RAPGEF4: variants seen among roughly 807,000 people sequenced by gnomAD.
RAPGEF4 encodes the protein Rap guanine nucleotide exchange factor 4.
Under a neutral mutation model 147.9 loss-of-function variants are expected in RAPGEF4, and 66 were observed. The observed-to-expected ratio is 0.45, with a 90% CI of 0.37 to 0.55. RAPGEF4 has a LOEUF of 0.55. Ranked by LOEUF, RAPGEF4 falls within the 20% of genes least tolerant of loss-of-function variation. RAPGEF4 has a pLI of 0.00. For synonymous variants in RAPGEF4, 419 were observed against 442.7 expected (o/e 0.95, Z 0.67); for missense variants, 1,071 against 1,257.3 (o/e 0.85, Z 2.24).
intron 6 of RAPGEF4, among the ~76,000 whole-genome samples, chr2:172,934,930 A>C (rs989795414): frequency 1.3e-5 from 2 of 152,144 alleles, no homozygotes; most frequent in Admixed American, 1.3e-4. Context: ...CAATCCCAGC[A>C]CTTTGGGAGG....
At chr2:172,803,231 C>A (rs1280459066) in intron 3 of RAPGEF4, among the ~76,000 whole-genome samples, 1 of 152,204 alleles carries the variant, frequency 6.6e-6, no homozygotes, top group African/African-American at 2.4e-5. Context: ...CCCTAGCAGA[C>A]GTTCTCCATG....
At chr2:172,998,478 C>T (rs1409801031) in intron 16 of RAPGEF4, among the ~76,000 whole-genome samples, 3 of 152,094 alleles carry the variant, frequency 2.0e-5, no homozygotes, top group Non-Finnish European at 4.4e-5. Context: ...CTTTGGGGGC[C>T]AAGGCGGGAG....
chr2:172,777,339 C>T (rs189991683), intron 1 of RAPGEF4, among the ~76,000 whole-genome samples: 109 of 151,840 alleles, frequency 7.2e-4, no homozygotes, highest in Admixed American at 1.8e-3. Context: ...ACATTGTTCT[C>T]GGTACTGGAG....
rs531989798 is a variant in RAPGEF4, at chr2:172,766,414, T to A, written c.66-28611T>A. On this transcript the variant is annotated intron_variant, in intron 1 of 30. Coordinates refer to ENST00000397081, the MANE Select transcript of RAPGEF4 (RefSeq NM_007023.4). The stretch of plus-strand genomic sequence containing the variant: ...TAAAAATACTAAAATTAGCCGGGCA[T>A]GCTGGCACGCGCCCATAGTCCCAGC... 2.6e-5 allele frequency among the ~76,000 whole-genome samples: 4 copies of A among 152,216 alleles called. No individual in the cohort carries two copies. In the South Asian group the frequency reaches 8.3e-4, roughly 32 times the overall value.
intron 1 of RAPGEF4, among the ~76,000 whole-genome samples, chr2:172,790,917 T>C (rs979728128): frequency 1.3e-5 from 2 of 152,132 alleles, no homozygotes; most frequent in East Asian, 3.9e-4. Context: ...GACTGGGTAA[T>C]TCAAAAAGAA....
intron 4 of RAPGEF4, among the ~76,000 whole-genome samples, chr2:172,820,563 G>A (rs1445118894): frequency 1.3e-5 from 2 of 152,138 alleles, no homozygotes; most frequent in Non-Finnish European, 2.9e-5. Context: ...ATGGAGAGCC[G>A]TTGCTTGGAT....
chr2:172,866,854 G>A (rs902733405), intron 4 of RAPGEF4, among the ~76,000 whole-genome samples: 2 of 151,712 alleles, frequency 1.3e-5, no homozygotes, highest in Non-Finnish European at 2.9e-5. Context: ...TACATTCTTC[G>A]ATAGTCTAGT....
chr2:172,756,025 C>A (rs1052399799), intron 1 of RAPGEF4, among the ~76,000 whole-genome samples: 19 of 152,124 alleles, frequency 1.2e-4, no homozygotes, highest in Admixed American at 2.6e-4. Context: ...CCATGCCTAC[C>A]CATCTCCTGT....
chr2:172,975,453 C>G (rs1397186615), intron 10 of RAPGEF4, among the ~76,000 whole-genome samples: 1 of 152,130 alleles, frequency 6.6e-6, no homozygotes, highest in Non-Finnish European at 1.5e-5. Flanking sequence ...TAATCAATAC[C>G]AAGTGCCTTT....
chr2:172,755,689 C>T (rs1695704884), intron 1 of RAPGEF4, among the ~76,000 whole-genome samples: 1 of 152,304 alleles, frequency 6.6e-6, no homozygotes, highest in East Asian at 1.9e-4. Context: ...AGCTACTGCG[C>T]CTGGCCTAAA....
chr2:173,030,203 C>A lies in RAPGEF4; in HGVS notation c.2598C>A (p.Ile866=). 1 of 1,613,628 alleles carries A rather than the reference C, an allele frequency of 6.2e-7. No individual in the cohort carries two copies. The highest frequency in any genetic ancestry group is 8.5e-7 in the Non-Finnish European group (1 of 1,179,566). ...EYKNLNSFFA[I]VMGLSNVAVS... The stretch of plus-strand genomic sequence containing the variant: ...AAAATCTGAATTCCTTTTTTGCCAT[C>A]GTCATGGGACTAAGTAACGTTGCTG... The change falls in exon 26 of 31, where the codon ATC becomes ATA. Residue 866 remains isoleucine (I), a synonymous_variant. Transcript: ENST00000397081.
chr2:172,931,181 G>GGT (rs1685913510), intron 6 of RAPGEF4, among the ~76,000 whole-genome samples: 1 of 104,024 alleles, frequency 9.6e-6, no homozygotes, highest in African/African-American at 3.4e-5. Context: ...GTGGGGGGGG[G>GGT]GGGCGCTGGG....
chr2:173,040,365 G>A (rs1684608962), intron 29 of RAPGEF4, among the ~76,000 whole-genome samples: 1 of 152,078 alleles, frequency 6.6e-6, no homozygotes, highest in Admixed American at 6.5e-5. Flanking sequence ...TACCATCAGT[G>A]GCTGCTGTTG....
At position 172,749,212 on chromosome 2, in the gene RAPGEF4, C is replaced by T. The variant is rs75366267; in HGVS notation, c.65+13164C>T. 1.1e-3 allele frequency among the ~76,000 whole-genome samples: 161 copies of T among 152,314 alleles called. 2 individuals are homozygous for T. The highest frequency in any genetic ancestry group is 2.9e-3 in the African/African-American group (122 of 41,580). ...GCTCTGCTAGGCAGTGACCCAGTAG[C>T]GACTCTGAGTAGGGGCTTCAATCCC... On this transcript the variant is annotated intron_variant, in intron 1 of 30. Transcript: ENST00000397081.
At chr2:172,931,780 G>A (rs1278979155) in intron 6 of RAPGEF4, among the ~76,000 whole-genome samples, 1 of 152,192 alleles carries the variant, frequency 6.6e-6, no homozygotes, top group East Asian at 1.9e-4. Flanking sequence ...GGTTATGTGA[G>A]ATTTTTTAAA....
At chr2:172,878,146 G>A (rs1696177501) in intron 4 of RAPGEF4, among the ~76,000 whole-genome samples, 1 of 152,234 alleles carries the variant, frequency 6.6e-6, no homozygotes, top group Non-Finnish European at 1.5e-5. Flanking sequence ...AACAGCGTAA[G>A]GTTAGAGAGG....
At chr2:173,025,119 G>A (rs1441417099) in intron 23 of RAPGEF4, among the ~76,000 whole-genome samples, 2 of 152,216 alleles carry the variant, frequency 1.3e-5, no homozygotes, top group African/African-American at 4.8e-5. Flanking sequence ...GTACCTGGGT[G>A]TCACATGTGT....
At chr2:172,816,560 A>G (rs1233543406) in intron 4 of RAPGEF4, among the ~76,000 whole-genome samples, 1 of 152,182 alleles carries the variant, frequency 6.6e-6, no homozygotes, top group Non-Finnish European at 1.5e-5. Context: ...GTATCAGAGT[A>G]CCTTTTAGGA....
At chr2:173,043,506 G>A (rs918510840) in intron 29 of RAPGEF4, among the ~76,000 whole-genome samples, 2 of 152,228 alleles carry the variant, frequency 1.3e-5, no homozygotes, top group Non-Finnish European at 2.9e-5. Flanking sequence ...GGCCTGGAGG[G>A]CCTGCCGGTC....
Sources: allele counts gnomAD v4.1 joint callset (sites outside exome capture counted in the v4.1 genomes callset), GRCh38; gene constraint gnomAD v4.1.1; transcripts MANE v1.5; gene names NCBI Gene and HGNC (gene_info 2026-07-23, HGNC 2026-07-21).